The following CAMKK1 variants were observed in gnomAD, a reference collection of about 807,000 sequenced individuals.
CAMKK1 encodes the protein calcium/calmodulin-dependent protein kinase kinase 1.
CAMKK1 carries 20 observed loss-of-function variants against 63.5 expected under a neutral mutation model. The ratio of observed to expected loss-of-function variants is 0.32; its 90% CI spans 0.22 to 0.46. The LOEUF is 0.46. Ranked by LOEUF, CAMKK1 falls within the 20% of genes least tolerant of loss-of-function variation. The pLI, the probability that CAMKK1 is intolerant of heterozygous loss-of-function variation, is 1.00. For synonymous variants in CAMKK1, 253 were observed against 269.0 expected (o/e 0.94, Z 0.58); for missense variants, 588 against 658.1 (o/e 0.89, Z 1.17).
rs367612794 is a variant in CAMKK1 at position 3,885,608 on chromosome 17, T to A, written c.80A>T (p.His27Leu). Residue 27 changes from histidine to leucine, a missense_variant, in exon 2 of 16, where the codon CAC becomes CTC. His to Leu is a moderately conservative substitution (Grantham distance 99). This residue lies in a region of CAMKK1 where 357 missense variants were observed against 407.4 expected (regional missense o/e 0.88). Transcript: ENST00000348335. ...VERVAAIDVT[H>L]LEEADGGPEP... ...TGGGCCACCATCTGCCTCCTCCAAGTGAGTCACATCGATGGCTGCCACCCG... is the reference window on the plus strand; with the variant it reads ...TGGGCCACCATCTGCCTCCTCCAAGAGAGTCACATCGATGGCTGCCACCCG... 1.9e-6 allele frequency: 3 copies of A among 1,614,050 alleles called. No homozygotes were observed. Among genetic ancestry groups the A allele is most frequent in the Non-Finnish European group, 2.5e-6 (3 of 1,180,016 alleles).
In CAMKK1 at chr17:3,883,056, C is replaced by T; in HGVS notation, c.634G>A (p.Val212Ile). The change falls in exon 6 of 16, where the codon GTC becomes ATC. Residue 212 changes from valine to isoleucine, a missense_variant. Transcript: ENST00000348335. This position sits in a 1 kb window ranked among gnomAD's most constrained non-coding sequence, Gnocchi z 4.7. ...ILKKLDHVNV[V>I]KLIEVLDDPA... ...CCACCCCCTACCTCGATCAGTTTGA[C>T]CACATTCACGTGGTCCAGCTTCTTC... 1 of 1,613,958 alleles carries T rather than the reference C, an allele frequency of 6.2e-7. No individual in the cohort carries two copies. The highest frequency in any genetic ancestry group is 8.5e-7 in the Non-Finnish European group (1 of 1,179,982).
chr17:3,882,475 G>A lies in CAMKK1; in HGVS notation c.685+53C>T. Reference sequence around the variant, plus strand: ...TGAAGGTCATACATGTCCCAAGGGAGCCCTTGGGCCAGCCCTGAGTGAGCT... The same window carrying A: ...TGAAGGTCATACATGTCCCAAGGGAACCCTTGGGCCAGCCCTGAGTGAGCT... On this transcript the variant is annotated intron_variant, in intron 7 of 15. Transcript: ENST00000348335. This position sits in a 1 kb window ranked among gnomAD's most constrained non-coding sequence, Gnocchi z 4.3. 6.3e-7 allele frequency: 1 copy of A among 1,590,470 alleles called. No homozygotes were observed. Among genetic ancestry groups the A allele is most frequent in the Non-Finnish European group, 8.6e-7 (1 of 1,162,160 alleles).
At chr17:3,868,227 G>GCC in intron 14 of CAMKK1, among the ~76,000 whole-genome samples, 1 of 82,408 alleles carries the variant, frequency 1.2e-5, no homozygotes, top group East Asian at 3.9e-4. Context: ...GGAGAAGCAG[G>GCC]CGCCGTCTAA....
In CAMKK1 at chr17:3,865,968, G is replaced by A. The variant is rs2054503993; in HGVS notation, c.1385C>T (p.Pro462Leu). The change falls in exon 15 of 16, where the codon CCG (proline) becomes CTG (leucine). Residue 462 changes from proline to leucine, a missense_variant. Physicochemically the swap from Pro to Leu is moderately conservative, Grantham distance 98 (BLOSUM62 -3). Coordinates refer to ENST00000348335, the MANE Select transcript of CAMKK1 (RefSeq NM_032294.3). ...TTCCCTCCGTGCTTGGGGCTCAAAC[G>A]GGTTCCCAAAGGAACGCTTCCTCAG... ...SMLRKRSFGN[P>L]FEPQARREER... The A allele has an allele frequency of 2.5e-6, 4 of 1,614,188 alleles. No homozygotes were observed. The highest frequency in any genetic ancestry group is 3.4e-6 in the Non-Finnish European group (4 of 1,180,030).
Position 3,869,542 on chromosome 17 carries a change from A to G in CAMKK1, c.1286T>C (p.Val429Ala). The G allele has an allele frequency of 6.2e-7, 1 of 1,613,922 alleles. No individual in the cohort carries two copies. The highest frequency in any genetic ancestry group is 8.5e-7 in the Non-Finnish European group (1 of 1,179,982). Reference protein sequence around the residue: ...SEEEHCSVVEVTEEEVKNSVR... With the variant: ...SEEEHCSVVEATEEEVKNSVR... ...TGAGTTCTTAACCTCCTCCTCTGTC[A>G]CCTCCACCACGCTGCAGTGCTCCTC... Residue 429 changes from valine (V) to alanine (A), a missense_variant, in exon 14 of 16, where the codon GTG becomes GCG. Around this residue, in one of 3 missense-constraint regions of CAMKK1, gnomAD observed 226 missense variants for 229.2 expected, o/e 0.99. Coordinates refer to ENST00000348335, the MANE Select transcript of CAMKK1 (RefSeq NM_032294.3).
rs1047003854 is a variant in CAMKK1 at position 3,890,290 on chromosome 17, C to T, written c.-44+2649G>A. On this transcript the variant is annotated intron_variant, in intron 1 of 15. Transcript: ENST00000348335. This position sits in a 1 kb window ranked among gnomAD's most constrained non-coding sequence, Gnocchi z 6.5. ...ACGACTCCTGCTGTGAGGACGCCCG[C>T]TCCCACCATCCCTGGGGAGCCCCCA... Among the ~76,000 whole-genome samples the T allele has an allele frequency of 6.6e-6, 1 of 152,144 alleles. No individual in the cohort carries two copies. Among genetic ancestry groups the T allele is most frequent in the Non-Finnish European group, 1.5e-5 (1 of 68,014 alleles).
chr17:3,875,997 C>T (rs2055133559), intron 10 of CAMKK1, among the ~76,000 whole-genome samples: 1 of 152,194 alleles, frequency 6.6e-6, no homozygotes, highest in African/African-American at 2.4e-5. Flanking sequence ...CAGAACCCAG[C>T]ACAGAGCAAC....
At chr17:3,880,260 G>T in intron 9 of CAMKK1, 86 bp downstream of exon 9, 1 of 1,139,202 alleles carries the variant, frequency 8.8e-7, no homozygotes, top group Non-Finnish European at 1.3e-6. Flanking sequence ...ACTGACGGGA[G>T]CTGCTCAGAG....
rs2055926311 is a variant in CAMKK1 at position 3,892,171 on chromosome 17, C to T, written c.-44+768G>A. ...CCTGTGGCCTGTGACACAGCCTTCTCTGCACAGCCCTGCAACGCCAAGACT... is the reference window on the plus strand; with the variant it reads ...CCTGTGGCCTGTGACACAGCCTTCTTTGCACAGCCCTGCAACGCCAAGACT... On this transcript the variant is annotated intron_variant, in intron 1 of 15. Coordinates refer to ENST00000348335, the MANE Select transcript of CAMKK1 (RefSeq NM_032294.3). The surrounding 1 kb of genome is among the most constrained non-coding windows in gnomAD (Gnocchi z 7.5). 3.9e-5 allele frequency among the ~76,000 whole-genome samples: 6 copies of T among 152,098 alleles called. No individual in the cohort carries two copies. The highest frequency in any genetic ancestry group is 1.2e-4 in the African/African-American group (5 of 41,408).
At position 3,876,376 on chromosome 17, in the gene CAMKK1, C is replaced by A; in HGVS notation, c.843G>T (p.Leu281=). 6.2e-7 allele frequency: 1 copy of A among 1,614,232 alleles called. No homozygotes were observed. Among genetic ancestry groups the A allele is most frequent in the Non-Finnish European group, 8.5e-7 (1 of 1,180,048 alleles). The change falls in exon 10 of 16, where the codon CTG becomes CTT. Residue 281 remains leucine (L), a synonymous_variant. Transcript: ENST00000348335. ...TCACGTGCCCATCATCCCCCAGGAG[C>A]AGGTTGGATGGCTTGATGTCCCTGT... is the stretch of plus-strand genomic sequence containing the variant. ...IVHRDIKPSN[L]LLGDDGHVKI... is the part of the protein sequence containing the mutation.
chr17:3,878,285 GC>G (rs1597471537), intron 9 of CAMKK1, among the ~76,000 whole-genome samples: 1 of 152,106 alleles, frequency 6.6e-6, no homozygotes, highest in East Asian at 1.9e-4. Context: ...GCGCCCTCGT[GC>G]CTCTGTTCAT....
chr17:3,888,477 C>A (rs879312406), intron 1 of CAMKK1, among the ~76,000 whole-genome samples: 3 of 152,236 alleles, frequency 2.0e-5, no homozygotes, highest in Admixed American at 2.0e-4. Context: ...CAGGTGGCTT[C>A]GCCTCTGTGC....
At chr17:3,870,661 G>A (rs74251336) in intron 12 of CAMKK1, among the ~76,000 whole-genome samples, 20,576 of 152,152 alleles carry the variant, frequency 0.14, 1,982 homozygotes, top group East Asian at 0.26. Flanking sequence ...CACCACGCCC[G>A]GCCAAACCCC....
In CAMKK1 at chr17:3,883,560, C is replaced by T. The variant is rs914550691; in HGVS notation, c.463-80G>A. 1.9e-5 allele frequency: 21 copies of T among 1,134,688 alleles called. No individual in the cohort carries two copies. Among genetic ancestry groups the T allele is most frequent in the Non-Finnish European group, 2.6e-5 (19 of 743,708 alleles). 70.3% of individuals were successfully genotyped at this position (1,134,688 alleles called of 1,614,324 possible). A position where few individuals can be genotyped will look rare whatever the true frequency, so the allele number is the denominator to read the frequency against. ...AGGCTGGTACATGTGGACTGAGGTC[C>T]GGAGAGGCACACTGGACATCTGCTA... On this transcript the variant is annotated intron_variant, in intron 4 of 15. Transcript: ENST00000348335. The surrounding 1 kb of genome is among the most constrained non-coding windows in gnomAD (Gnocchi z 4.7).
In CAMKK1 at chr17:3,892,433, C is replaced by T. The variant is rs546337430; in HGVS notation, c.-44+506G>A. On this transcript the variant is annotated intron_variant, in intron 1 of 15. Coordinates refer to ENST00000348335, the MANE Select transcript of CAMKK1 (RefSeq NM_032294.3). This position sits in a 1 kb window ranked among gnomAD's most constrained non-coding sequence, Gnocchi z 7.5. Reference sequence around the variant, plus strand: ...AGCCGCAGCGCCCGCCTCTGCCGCCCCCTCTCGCCCCAGCCAAGGCAGGAC... The same window carrying T: ...AGCCGCAGCGCCCGCCTCTGCCGCCTCCTCTCGCCCCAGCCAAGGCAGGAC... 1.1e-3 allele frequency among the ~76,000 whole-genome samples: 166 copies of T among 152,292 alleles called. No individual in the cohort carries two copies. Among genetic ancestry groups the T allele is most frequent in the African/African-American group, 3.8e-3 (159 of 41,564 alleles).
chr17:3,880,443 A>G lies in CAMKK1; in HGVS notation c.708-9T>C. 2 of 1,611,406 alleles carry G rather than the reference A, an allele frequency of 1.2e-6. No individual in the cohort carries two copies. Among genetic ancestry groups the G allele is most frequent in the Non-Finnish European group, 1.7e-6 (2 of 1,178,578 alleles). ...GCACTTCCATGACGGGCCTATGGAG[A>G]AGGATGCGGGGAGGGGCATTCAGCT... On this transcript the variant is annotated splice_polypyrimidine_tract_variant and intron_variant, in intron 8 of 15. Transcript: ENST00000348335.
rs768263165 is a variant in CAMKK1 at position 3,869,900 on chromosome 17, G to A, written c.1125-12C>T. On this transcript the variant is annotated splice_polypyrimidine_tract_variant and intron_variant, in intron 12 of 15. Transcript: ENST00000348335. ...CGCTGATTTCTGGCCTGGAGAGGGC[G>A]AAGGAAGGAGAGGAGGGTGGGACCG... The A allele has an allele frequency of 1.5e-5, 24 of 1,610,858 alleles. No individual in the cohort carries two copies. The highest frequency in any genetic ancestry group is 6.7e-5 in the African/African-American group (5 of 74,848).
chr17:3,876,978 G>C (rs1375385098), intron 9 of CAMKK1, among the ~76,000 whole-genome samples: 3 of 151,946 alleles, frequency 2.0e-5, no homozygotes, highest in Non-Finnish European at 4.4e-5. Flanking sequence ...GGCTGGTCTT[G>C]AACTCCTGAC....
Position 3,880,453 on chromosome 17 carries a change from G to A in CAMKK1, c.708-19C>T, listed in dbSNP as rs773236375. ...GACGGGCCTATGGAGAAGGATGCGG[G>A]GAGGGGCATTCAGCTGAAATCAGGG... On this transcript the variant is annotated intron_variant, in intron 8 of 15. Transcript: ENST00000348335. 2.3e-4 allele frequency: 369 copies of A among 1,605,088 alleles called. 2 individuals carry two copies. The highest frequency in any genetic ancestry group is 4.0e-5 in the African/African-American group (3 of 74,696).
Sources: allele counts gnomAD v4.1 joint callset (sites outside exome capture counted in the v4.1 genomes callset), GRCh38; gene constraint gnomAD v4.1.1; regional missense constraint gnomAD v4.1.1; non-coding constraint Gnocchi (gnomAD v3.1); transcripts MANE v1.5; gene names NCBI Gene and HGNC (gene_info 2026-07-23, HGNC 2026-07-21).